The following MAP3K13 variants were observed in gnomAD, a reference collection of about 807,000 sequenced individuals.
The protein encoded by MAP3K13 is mitogen-activated protein kinase kinase kinase 13.
A neutral mutation model predicts 104.0 loss-of-function variants in MAP3K13; 52 were observed. That is an observed-to-expected ratio of 0.50 (90% CI 0.40 to 0.63). The LOEUF (loss-of-function observed/expected upper bound fraction) is 0.63, where lower values mean the gene tolerates loss of function less well. Ranked by LOEUF, MAP3K13 falls within the 20% of genes least tolerant of loss-of-function variation. The pLI is 0.00. For synonymous variants in MAP3K13, 394 were observed against 442.2 expected (o/e 0.89, Z 1.37); for missense variants, 914 against 1,218.5 (o/e 0.75, Z 3.72).
chr3:185,304,155 T>C (rs190416727), intron 2 of MAP3K13, among the ~76,000 whole-genome samples: 26 of 152,366 alleles, frequency 1.7e-4, no homozygotes, highest in Admixed American at 6.5e-4. Flanking sequence ...ATTTCTCGTT[T>C]TGTTTCCTTG....
At chr3:185,458,874 G>A (rs932895014) in intron 7 of MAP3K13, among the ~76,000 whole-genome samples, 3 of 152,194 alleles carry the variant, frequency 2.0e-5, no homozygotes, top group African/African-American at 4.8e-5. Context: ...CAAAGCAACC[G>A]ATTTCAATAC....
chr3:185,351,544 C>T (rs182583206), intron 2 of MAP3K13, among the ~76,000 whole-genome samples: 1 of 152,248 alleles, frequency 6.6e-6, no homozygotes, highest in African/African-American at 2.4e-5. Flanking sequence ...TAATCAATTC[C>T]TGGCTCTGCC....
chr3:185,297,653 T>C (rs1183389842), intron 2 of MAP3K13, among the ~76,000 whole-genome samples: 1 of 151,332 alleles, frequency 6.6e-6, no homozygotes, highest in African/African-American at 2.4e-5. Context: ...GAGAATCTCT[T>C]GAACCCAGGA....
rs1721638231 is a variant in MAP3K13 at position 185,315,316 on chromosome 3, T to C, written c.-86+29673T>C. Among the ~76,000 whole-genome samples, 1 of 152,114 alleles carries C rather than the reference T, an allele frequency of 6.6e-6. No individual in the cohort carries two copies. The highest frequency in any genetic ancestry group is 1.5e-5 in the Non-Finnish European group (1 of 68,018). On this transcript the variant is annotated intron_variant, in intron 2 of 14. Coordinates refer to the MAP3K13 transcript ENST00000424227. This position sits in a 1 kb window ranked among gnomAD's most constrained non-coding sequence, Gnocchi z 4.3. ...AATGGTCCTCAAACTTTAGTATGCA[T>C]CAGAACCACCCTAGAGGAGTAACTT...
Position 185,472,730 on chromosome 3 carries a change from G to A in MAP3K13, c.1644-245G>A, listed in dbSNP as rs1300859578. Among the ~76,000 whole-genome samples the A allele has an allele frequency of 2.0e-5, 3 of 152,150 alleles. No homozygotes were observed. The East Asian group carries it at 5.8e-4, about 29-fold the overall frequency. On this transcript the variant is annotated intron_variant, in intron 10 of 13. Transcript: ENST00000265026. Reference sequence around the variant, plus strand: ...AGTGCCTCAATCTAGATCGTGCTTAGAGATGTTACCGATAAGTTGGTATGA... The same window carrying A: ...AGTGCCTCAATCTAGATCGTGCTTAAAGATGTTACCGATAAGTTGGTATGA...
At chr3:185,456,424 C>T (rs747998797) in intron 7 of MAP3K13, among the ~76,000 whole-genome samples, 11 of 152,212 alleles carry the variant, frequency 7.2e-5, no homozygotes, top group Middle Eastern at 3.4e-3. Flanking sequence ...TTAGCACTAT[C>T]GCCCATCTGT....
At chr3:185,316,209 T>A (rs1721667710) in intron 2 of MAP3K13, among the ~76,000 whole-genome samples, 1 of 152,224 alleles carries the variant, frequency 6.6e-6, no homozygotes, top group South Asian at 2.1e-4. Flanking sequence ...GATGCCAACA[T>A]TTTTATTAAT....
intron 1 of MAP3K13, among the ~76,000 whole-genome samples, chr3:185,424,945 C>T (rs1714329771): frequency 6.6e-6 from 1 of 152,212 alleles, no homozygotes; most frequent in Non-Finnish European, 1.5e-5. Flanking sequence ...CCACCTCAGC[C>T]TTCCACCCAA....
intron 2 of MAP3K13, among the ~76,000 whole-genome samples, chr3:185,319,395 A>G (rs1172969459): frequency 2.6e-5 from 4 of 152,264 alleles, no homozygotes; most frequent in African/African-American, 9.6e-5. Flanking sequence ...GTCACGGCAC[A>G]CATAGAAAAT....
intron 1 of MAP3K13, among the ~76,000 whole-genome samples, chr3:185,382,348 C>A (rs1461455361): frequency 1.3e-5 from 2 of 152,068 alleles, no homozygotes; most frequent in Non-Finnish European, 2.9e-5. Context: ...CATCTATTTT[C>A]GGACCATGGT....
At chr3:185,364,000 C>T (rs1459573115) in intron 1 of MAP3K13, among the ~76,000 whole-genome samples, 1 of 152,206 alleles carries the variant, frequency 6.6e-6, no homozygotes, top group Non-Finnish European at 1.5e-5. Flanking sequence ...TAAAAAGCTG[C>T]ATTCGAGGGA....
chr3:185,380,298 G>A (rs1008369860), intron 1 of MAP3K13, among the ~76,000 whole-genome samples: 3 of 151,012 alleles, frequency 2.0e-5, no homozygotes, highest in African/African-American at 4.9e-5. Context: ...GGATCACGAG[G>A]TTAAGAGATA....
intron 4 of MAP3K13, among the ~76,000 whole-genome samples, chr3:185,445,920 A>T (rs901806020): frequency 1.3e-5 from 2 of 152,226 alleles, no homozygotes; most frequent in Non-Finnish European, 2.9e-5. Flanking sequence ...GCCTACTCTC[A>T]CTTTCCTGGT....
intron 2 of MAP3K13, among the ~76,000 whole-genome samples, chr3:185,288,862 A>G (rs1720631956): frequency 6.6e-6 from 1 of 152,178 alleles, no homozygotes; most frequent in South Asian, 2.1e-4. Context: ...ATTGCTGTTC[A>G]ATTTGAATTG....
chr3:185,455,681 GATATATATATGAT>G (rs1716613713), intron 7 of MAP3K13, among the ~76,000 whole-genome samples: 4 of 8,158 alleles, frequency 4.9e-4, no homozygotes, highest in African/African-American at 7.8e-4. Context: ...ATATATATGA[GATATATATATGAT>G]ATATATATGA....
At chr3:185,384,125 A>T (rs1335267178) in intron 1 of MAP3K13, among the ~76,000 whole-genome samples, 3 of 152,126 alleles carry the variant, frequency 2.0e-5, no homozygotes, top group African/African-American at 7.2e-5. Context: ...GCTTCTGGTA[A>T]CTATTGTTCT....
intron 2 of MAP3K13, among the ~76,000 whole-genome samples, chr3:185,339,817 A>G (rs1262053657): frequency 1.3e-5 from 2 of 152,246 alleles, no homozygotes; most frequent in East Asian, 3.8e-4. Flanking sequence ...CTATTCACAC[A>G]CAGATACAGC....
At position 185,345,319 on chromosome 3, in the gene MAP3K13, G is replaced by A. The variant is rs548408434; in HGVS notation, c.-86+59676G>A. ...TTCCAAATCCTCCCACCTCCTCAAT[G>A]TATATCTCAGCCATGACCATCCCTC... On this transcript the variant is annotated intron_variant, in intron 2 of 14. Transcript: ENST00000424227. Among the ~76,000 whole-genome samples the A allele has an allele frequency of 2.2e-4, 34 of 152,136 alleles. No homozygotes were observed. The South Asian group carries it at 5.6e-3, about 25-fold the overall frequency.
chr3:185,395,654 G>A (rs1374796714), intron 1 of MAP3K13, among the ~76,000 whole-genome samples: 1 of 150,202 alleles, frequency 6.7e-6, no homozygotes, highest in African/African-American at 2.4e-5. Flanking sequence ...CACCGTGCCC[G>A]GCCTTCAATA....
Sources: gnomAD v4.1 joint callset for allele counts (sites outside exome capture counted in the v4.1 genomes callset) on GRCh38, gnomAD v4.1.1 for gene constraint, Gnocchi (gnomAD v3.1) non-coding constraint, MANE v1.5 for transcripts, NCBI Gene and HGNC (gene_info 2026-07-23, HGNC 2026-07-21) for gene names.